The following PLEKHM3 variants were observed in gnomAD, a reference collection of about 807,000 sequenced individuals.
PLEKHM3 encodes the protein pleckstrin homology domain containing M3, also known as pleckstrin homology domain-containing family M member 3.
PLEKHM3 carries 45 observed loss-of-function variants against 81.8 expected under a neutral mutation model. The observed-to-expected ratio is 0.55, with a 90% CI of 0.43 to 0.71. The LOEUF (loss-of-function observed/expected upper bound fraction) is 0.71, where lower values mean the gene tolerates loss of function less well. Among genes scored for constraint, PLEKHM3 ranks in the 30% least tolerant of loss-of-function variants. PLEKHM3 has a pLI of 0.00. For synonymous variants in PLEKHM3, 352 were observed against 356.4 expected, an observed-to-expected ratio of 0.99 and a Z score of 0.14; for missense variants, 788 against 924.3, an observed-to-expected ratio of 0.85 and a Z score of 1.91.
chr2:207,979,056 G>A (rs1048206408), intron 2 of PLEKHM3, among the ~76,000 whole-genome samples: 1 of 152,066 alleles, frequency 6.6e-6, no homozygotes, highest in Non-Finnish European at 1.5e-5. Flanking sequence ...TTAGAAATAA[G>A]GTACCTAGCA....
At chr2:207,988,248 G>A (rs1306151116) in intron 2 of PLEKHM3, among the ~76,000 whole-genome samples, 2 of 152,150 alleles carry the variant, frequency 1.3e-5, no homozygotes, top group South Asian at 2.1e-4. Context: ...ATGTCCTGTA[G>A]AAGTGCCACA....
chr2:207,876,203 T>C (rs2092559097), intron 6 of PLEKHM3, among the ~76,000 whole-genome samples: 1 of 152,188 alleles, frequency 6.6e-6, no homozygotes, highest in Non-Finnish European at 1.5e-5. Flanking sequence ...CAGCTAGGAC[T>C]ACAGGTGTGA....
intron 5 of PLEKHM3, 108 bp downstream of exon 5, chr2:207,930,818 A>G: frequency 7.6e-7 from 1 of 1,311,188 alleles, no homozygotes; most frequent in East Asian, 2.4e-5. Context: ...GCGAGCCACA[A>G]AATTAGAGGC....
intron 4 of PLEKHM3, among the ~76,000 whole-genome samples, chr2:207,935,649 A>T (rs1689726256): frequency 6.6e-6 from 1 of 152,378 alleles, no homozygotes; most frequent in African/African-American, 2.4e-5. Flanking sequence ...TACAAAGAGC[A>T]TAAGTAACTT....
In PLEKHM3 at chr2:208,001,203, C is replaced by G; in HGVS notation, c.437G>C (p.Gly146Ala). 6.2e-7 allele frequency: 1 copy of G among 1,614,076 alleles called. No individual in the cohort carries two copies. Among genetic ancestry groups the G allele is most frequent in the South Asian group, 1.1e-5 (1 of 91,080 alleles). ...AATATCTGATCGTGATCGAGCATGC[C>G]CTGGCTTGAAAGTTGAGGTCTCATC... ...LLDETSTFKPGHARSRSDITQ... is the reference protein window; with the variant it reads ...LLDETSTFKPAHARSRSDITQ... Residue 146 changes from glycine to alanine, a missense_variant, in exon 2 of 8, where the codon GGG becomes GCG. Coordinates refer to ENST00000427836, the MANE Select transcript of PLEKHM3 (RefSeq NM_001080475.3).
chr2:208,003,283 T>A (rs1056357750), intron 1 of PLEKHM3, among the ~76,000 whole-genome samples: 1 of 152,236 alleles, frequency 6.6e-6, no homozygotes, highest in Non-Finnish European at 1.5e-5. Context: ...CTTTCTTTTG[T>A]AAATTGCCCA....
At chr2:207,903,681 A>T (rs563103816) in intron 6 of PLEKHM3, among the ~76,000 whole-genome samples, 1 of 152,372 alleles carries the variant, frequency 6.6e-6, no homozygotes, top group South Asian at 2.1e-4. Context: ...TTGCTCCTTA[A>T]GAACAACTAA....
intron 5 of PLEKHM3, among the ~76,000 whole-genome samples, chr2:207,925,286 C>T (rs1446760373): frequency 3.3e-5 from 5 of 151,872 alleles, no homozygotes; most frequent in Non-Finnish European, 5.9e-5. Context: ...GGCCAGAGTC[C>T]GCATCTCATA....
At chr2:207,833,756 C>G (rs909661024) in intron 7 of PLEKHM3, among the ~76,000 whole-genome samples, 1 of 152,216 alleles carries the variant, frequency 6.6e-6, no homozygotes, top group African/African-American at 2.4e-5. Context: ...TGTTGAGAAC[C>G]ACTGACCTAA....
intron 1 of PLEKHM3, among the ~76,000 whole-genome samples, chr2:208,005,127 C>G: frequency 6.6e-6 from 1 of 152,136 alleles, no homozygotes; most frequent in East Asian, 1.9e-4. Context: ...TCCTGGCCAA[C>G]AGTTTTATAT....
At chr2:207,834,018 T>A (rs188997906) in intron 7 of PLEKHM3, among the ~76,000 whole-genome samples, 2 of 152,342 alleles carry the variant, frequency 1.3e-5, no homozygotes, top group East Asian at 3.9e-4. Flanking sequence ...CACTTGCTTT[T>A]GCACCAACCT....
intron 3 of PLEKHM3, among the ~76,000 whole-genome samples, chr2:207,950,212 A>G (rs949398753): frequency 6.6e-6 from 1 of 152,070 alleles, no homozygotes; most frequent in Non-Finnish European, 1.5e-5. Flanking sequence ...AGGCTATCCT[A>G]CTCCTGGTGC....
At chr2:207,980,369 G>A (rs1013081705) in intron 2 of PLEKHM3, among the ~76,000 whole-genome samples, 5 of 152,068 alleles carry the variant, frequency 3.3e-5, no homozygotes, top group East Asian at 1.9e-4. Flanking sequence ...GAAGACCGGC[G>A]AGGGAATCTT....
At chr2:207,973,692 T>G (rs1230326105) in intron 3 of PLEKHM3, among the ~76,000 whole-genome samples, 1 of 151,600 alleles carries the variant, frequency 6.6e-6, no homozygotes. Context: ...TGAGCCGAGA[T>G]CATGCCATTG....
chr2:207,835,243 G>A (rs1018450777), intron 7 of PLEKHM3, among the ~76,000 whole-genome samples: 3 of 151,984 alleles, frequency 2.0e-5, no homozygotes, highest in Non-Finnish European at 2.9e-5. Flanking sequence ...GTACCCTGCC[G>A]GTTTCAACAA....
At chr2:207,908,690 A>C in intron 5 of PLEKHM3, 113 bp from the exon 6 acceptor site, 1 of 874,694 alleles carries the variant, frequency 1.1e-6, no homozygotes, top group East Asian at 2.7e-5. Flanking sequence ...TCCACTTTCC[A>C]CCTATACTTC....
At chr2:207,999,581 G>A (rs891552557) in intron 2 of PLEKHM3, among the ~76,000 whole-genome samples, 13 of 152,028 alleles carry the variant, frequency 8.6e-5, no homozygotes, top group African/African-American at 3.1e-4. Context: ...TTCCAGCCTG[G>A]GAGACAACAA....
At chr2:207,960,894 G>A (rs1690706377) in intron 3 of PLEKHM3, among the ~76,000 whole-genome samples, 1 of 152,186 alleles carries the variant, frequency 6.6e-6, no homozygotes. Flanking sequence ...CATTTGGGGA[G>A]CCTCCCTGTA....
intron 6 of PLEKHM3, among the ~76,000 whole-genome samples, chr2:207,897,347 C>T (rs541524278): frequency 6.8e-4 from 103 of 152,242 alleles, no homozygotes; most frequent in South Asian, 1.2e-3. Context: ...TCCCAGGAGC[C>T]GTTTATACAA....
Sources: gnomAD v4.1 joint callset for allele counts (sites outside exome capture counted in the v4.1 genomes callset) on GRCh38, gnomAD v4.1.1 for gene constraint, MANE v1.5 for transcripts, NCBI Gene and HGNC (gene_info 2026-07-23, HGNC 2026-07-21) for gene names.